Variants in AP2A1 observed in about 807,000 individuals in gnomAD.
The protein encoded by AP2A1 is AP-2 complex subunit alpha-1.
In AP2A1, 21 loss-of-function variants were observed where a neutral mutation model predicts 107.3. The ratio of observed to expected loss-of-function variants is 0.20; its 90% CI spans 0.14 to 0.28. AP2A1 has a LOEUF of 0.28. Among genes scored for constraint, AP2A1 ranks in the 10% least tolerant of loss-of-function variants. The probability of loss-of-function intolerance (pLI) is 1.00; values close to 1 mark genes in which losing one functional copy is unlikely to be tolerated. For synonymous variants in AP2A1, 602 were observed against 564.8 expected (o/e 1.07, Z -0.93); for missense variants, 873 against 1,307.7 (o/e 0.67, Z 5.13).
At chr19:49,803,651 G>A (rs770598096) in intron 18 of AP2A1, 8 of 478,038 alleles carry the variant, frequency 1.7e-5, no homozygotes, top group Admixed American at 1.0e-4. Flanking sequence ...TCCGTGTCCT[G>A]CCATCGTCCT....
At chr19:49,772,796 G>A (rs943638181) in intron 1 of AP2A1, among the ~76,000 whole-genome samples, 4 of 151,940 alleles carry the variant, frequency 2.6e-5, no homozygotes, top group Non-Finnish European at 4.4e-5. Context: ...CACCGCGCCC[G>A]GCCCAAGAAT....
chr19:49,781,903 C>G (rs1309973663), intron 2 of AP2A1, 44 bp from the exon 3 acceptor site: 5 of 1,586,026 alleles, frequency 3.2e-6, no homozygotes, highest in South Asian at 2.2e-5. Flanking sequence ...ATCCTGTGAC[C>G]CTTCCTTATT....
chr19:49,779,698 G>A (rs530365990), intron 1 of AP2A1, among the ~76,000 whole-genome samples: 152 of 152,198 alleles, frequency 1.0e-3, no homozygotes, highest in African/African-American at 3.2e-3. Flanking sequence ...CCTCACATGC[G>A]TGAGCCACCA....
chr19:49,776,752 C>A (rs574273852), intron 1 of AP2A1, among the ~76,000 whole-genome samples: 151 of 152,354 alleles, frequency 9.9e-4, no homozygotes, highest in African/African-American at 3.2e-3. Flanking sequence ...GGCTCCCTGG[C>A]CATCACGGGC....
rs1038174060 is a variant in AP2A1 at position 49,801,804 on chromosome 19, G to C, written c.1868G>C (p.Gly623Ala). The change falls in exon 14 of 23, where the codon GGG becomes GCG. Residue 623 changes from glycine (G) to alanine (A), a missense_variant. Transcript: ENST00000354293. Reference sequence around the variant, plus strand: ...AAGCTGAAACGCAAGAAGGGGCCAGGGGCCGGCAGCGCCCTGGACGATGGC... The same window carrying C: ...AAGCTGAAACGCAAGAAGGGGCCAGCGGCCGGCAGCGCCCTGGACGATGGC... ...LAKLKRKKGP[G>A]AGSALDDGRR... 2 of 1,558,060 alleles carry C rather than the reference G, an allele frequency of 1.3e-6. No individual in the cohort carries two copies. The highest frequency in any genetic ancestry group is 2.7e-5 in the African/African-American group (2 of 73,614).
In AP2A1 at chr19:49,806,888, C is replaced by T. The variant is rs1349021262; in HGVS notation, c.*130C>T. On this transcript the variant is annotated 3_prime_UTR_variant, in exon 23 of 23. Transcript: ENST00000354293. ...GGGTTTGGGGGATGCCTGGGACTTT[C>T]CTCCGGCCTTTTGTATTTTTATTTT... The T allele has an allele frequency of 6.5e-6, 10 of 1,550,166 alleles. No individual in the cohort carries two copies. The highest frequency in any genetic ancestry group is 1.9e-5 in the Admixed American group (1 of 51,730).
In AP2A1 at chr19:49,800,112, G is replaced by C; in HGVS notation, c.1417G>C (p.Asp473His). 6.2e-7 allele frequency: 1 copy of C among 1,613,780 alleles called. No individual in the cohort carries two copies. The highest frequency in any genetic ancestry group is 8.5e-7 in the Non-Finnish European group (1 of 1,179,728). The change falls in exon 11 of 23, where the codon GAT becomes CAT. Residue 473 changes from aspartate (D) to histidine (H), a missense_variant. Asp to His is a moderately conservative substitution (Grantham distance 81). Transcript: ENST00000354293. ...YRVLQIVTNRDDVQGYAAKTV... is the reference protein window; with the variant it reads ...YRVLQIVTNRHDVQGYAAKTV... ...TGTGCTACAGATCGTCACCAACCGT[G>C]ATGACGTCCAGGGCTATGCCGCCAA...
chr19:49,806,681 A>G lies in AP2A1; in HGVS notation c.2791A>G (p.Met931Val). Residue 931 changes from methionine (M) to valine (V), a missense_variant and splice_region_variant, in exon 23 of 23, where the codon ATG becomes GTG. This residue lies in a region of AP2A1 where 416 missense variants were observed against 473.4 expected (regional missense o/e 0.88). Coordinates refer to ENST00000354293, the MANE Select transcript of AP2A1 (RefSeq NM_130787.3). ...LRLEPNAQAQMYRLTLRTSKE... is the reference protein window; with the variant it reads ...LRLEPNAQAQVYRLTLRTSKE... Reference sequence around the variant, plus strand: ...TTCTGCCCCCAATGCCCCCACCCAGATGTACCGGCTGACCCTGCGCACCAG... The same window carrying G: ...TTCTGCCCCCAATGCCCCCACCCAGGTGTACCGGCTGACCCTGCGCACCAG... 6.2e-7 allele frequency: 1 copy of G among 1,612,444 alleles called. No individual in the cohort carries two copies. The highest frequency in any genetic ancestry group is 8.5e-7 in the Non-Finnish European group (1 of 1,179,700).
chr19:49,776,850 T>C (rs923586226), intron 1 of AP2A1, among the ~76,000 whole-genome samples: 2 of 152,194 alleles, frequency 1.3e-5, no homozygotes, highest in Admixed American at 1.3e-4. Flanking sequence ...GAGCTTTTCT[T>C]CTCTCTCTGA....
chr19:49,796,384 C>T (rs1485647924), intron 7 of AP2A1: 1 of 152,366 alleles, frequency 6.6e-6, no homozygotes, highest in Non-Finnish European at 1.5e-5. Flanking sequence ...CTCCCTCTGC[C>T]ACTGAGCTCC....
chr19:49,795,602 C>CCCA, intron 6 of AP2A1, 28 bp from the exon 7 acceptor site: 1 of 1,236,846 alleles, frequency 8.1e-7, no homozygotes, highest in Non-Finnish European at 1.2e-6. Flanking sequence ...CCCCAGCCCC[C>CCCA]AACTTATTTC....
At position 49,785,115 on chromosome 19, in the gene AP2A1, C is replaced by T. The variant is rs369866296; in HGVS notation, c.473+2391C>T. On this transcript the variant is annotated intron_variant, in intron 4 of 22. Coordinates refer to ENST00000354293, the MANE Select transcript of AP2A1 (RefSeq NM_130787.3). This position sits in a 1 kb window ranked among gnomAD's most constrained non-coding sequence, Gnocchi z 4.1. Reference sequence around the variant, plus strand: ...GCCATTTAGAGTTGTAGGGAGAGATCGTGACATAGGCAGTGTTCGAAGAGA... The same window carrying T: ...GCCATTTAGAGTTGTAGGGAGAGATTGTGACATAGGCAGTGTTCGAAGAGA... Among the ~76,000 whole-genome samples the T allele has an allele frequency of 1.2e-4, 18 of 152,186 alleles. 2 individuals carry two copies. The highest frequency in any genetic ancestry group is 9.8e-4 in the Admixed American group (15 of 15,280).
At chr19:49,806,068 G>A in intron 21 of AP2A1, 51 bp from the exon 22 acceptor site, 1 of 1,598,316 alleles carries the variant, frequency 6.3e-7, no homozygotes, top group East Asian at 2.3e-5. Flanking sequence ...ATGCCACTGT[G>A]TGGTAACTAA....
At chr19:49,772,736 G>A (rs1218666324) in intron 1 of AP2A1, among the ~76,000 whole-genome samples, 1 of 151,574 alleles carries the variant, frequency 6.6e-6, no homozygotes, top group Non-Finnish European at 1.5e-5. Flanking sequence ...TCCTGACCTC[G>A]TGATCCGCCC....
At chr19:49,776,569 G>C (rs2084619437) in intron 1 of AP2A1, among the ~76,000 whole-genome samples, 1 of 152,196 alleles carries the variant, frequency 6.6e-6, no homozygotes, top group Non-Finnish European at 1.5e-5. Context: ...TTGTGAATGA[G>C]AGAATCCCTT....
intron 1 of AP2A1, among the ~76,000 whole-genome samples, chr19:49,780,435 G>C (rs1318505682): frequency 6.6e-6 from 1 of 152,230 alleles, no homozygotes; most frequent in Non-Finnish European, 1.5e-5. Context: ...CTTGAGGCAA[G>C]AGGATGTGCG....
At chr19:49,784,599 G>A (rs1029345577) in intron 4 of AP2A1, among the ~76,000 whole-genome samples, 4 of 152,094 alleles carry the variant, frequency 2.6e-5, no homozygotes, top group African/African-American at 9.7e-5. Flanking sequence ...AAATTGCCAG[G>A]CACAGTAGTG....
intron 1 of AP2A1, among the ~76,000 whole-genome samples, chr19:49,776,354 T>G (rs1040815425): frequency 6.6e-6 from 1 of 152,182 alleles, no homozygotes; most frequent in African/African-American, 2.4e-5. Context: ...CAGCCTCATC[T>G]TTTGATCCTC....
intron 9 of AP2A1, 35 bp from the exon 10 acceptor site, chr19:49,799,594 C>G (rs1198812945): frequency 6.2e-7 from 1 of 1,602,890 alleles, no homozygotes; most frequent in Admixed American, 1.7e-5. Context: ...AACAGGGAGT[C>G]TAAAACACAC....
Sources: gnomAD v4.1 joint callset for allele counts (sites outside exome capture counted in the v4.1 genomes callset) on GRCh38, gnomAD v4.1.1 for gene constraint, gnomAD v4.1.1 regional missense constraint, Gnocchi (gnomAD v3.1) non-coding constraint, MANE v1.5 for transcripts, NCBI Gene and HGNC (gene_info 2026-07-23, HGNC 2026-07-21) for gene names.